Variants in PHF12 observed in about 807,000 individuals in gnomAD.
PHF12 encodes the protein PHD finger protein 12, also known as PHD factor 1.
A neutral mutation model predicts 99.8 loss-of-function variants in PHF12; 6 were observed. The observed-to-expected ratio is 0.06, with a 90% confidence interval of 0.03 to 0.12. The LOEUF is 0.12. Among genes scored for constraint, PHF12 ranks in the 10% least tolerant of loss-of-function variants. The probability of loss-of-function intolerance (pLI) is 1.00; values close to 1 mark genes in which losing one functional copy is unlikely to be tolerated. For missense variants in PHF12, 954 were observed against 1,300.1 expected (o/e 0.73, Z 4.09); for synonymous variants, 480 against 514.9 (o/e 0.93, Z 0.92).
At position 28,923,820 on chromosome 17, in the gene PHF12, G is replaced by A. The variant is rs537019582; in HGVS notation, c.715+89C>T. Reference sequence around the variant, plus strand: ...CAGGAACCCAAGACAGTAGCTACATGAACAGTGACTCCACAGGCAGCACTG... The same window carrying A: ...CAGGAACCCAAGACAGTAGCTACATAAACAGTGACTCCACAGGCAGCACTG... On this transcript the variant is annotated intron_variant, in intron 4 of 14. Coordinates refer to ENST00000332830, the MANE Select transcript of PHF12 (RefSeq NM_001033561.2). The A allele has an allele frequency of 1.4e-4, 202 of 1,440,532 alleles. 1 individual carries two copies. In the South Asian group the frequency reaches 2.6e-3, roughly 19 times the overall value. 89.2% of individuals were successfully genotyped at this position (1,440,532 alleles called of 1,614,324 possible). A position where few individuals can be genotyped will look rare whatever the true frequency, so the allele number is the denominator to read the frequency against.
rs1278716212 is a variant in PHF12, at chr17:28,913,185, C to T, written c.1386G>A (p.Glu462=). The part of the protein sequence containing the change: ...MPSHWDSEQT[E]KADIKPVIVT... Reference sequence around the variant, plus strand: ...CAATAACAGGCTTAATATCAGCCTTCTCTGTCTGTTCAGAGTCCCAATGCG... The same window carrying T: ...CAATAACAGGCTTAATATCAGCCTTTTCTGTCTGTTCAGAGTCCCAATGCG... The change falls in exon 9 of 15, where the codon GAG becomes GAA. Residue 462 remains glutamate, a synonymous_variant. Transcript: ENST00000332830. 6.2e-7 allele frequency: 1 copy of T among 1,614,180 alleles called. No homozygotes were observed. The highest frequency in any genetic ancestry group is 1.1e-5 in the South Asian group (1 of 91,090).
intron 10 of PHF12, 67 bp downstream of exon 10, chr17:28,911,045 G>A (rs2039950325): frequency 1.2e-6 from 2 of 1,600,660 alleles, no homozygotes; most frequent in Non-Finnish European, 1.7e-6. Flanking sequence ...GAAATGAGCT[G>A]AATGCTGTAT....
intron 7 of PHF12, among the ~76,000 whole-genome samples, chr17:28,915,865 C>T (rs1329529863): frequency 1.3e-5 from 2 of 152,150 alleles, no homozygotes; most frequent in African/African-American, 4.8e-5. Flanking sequence ...CTTTGAGTTT[C>T]CTCACTAGAG....
chr17:28,927,597 C>T (rs1053650421), intron 2 of PHF12, among the ~76,000 whole-genome samples: 3 of 152,212 alleles, frequency 2.0e-5, no homozygotes, highest in African/African-American at 4.8e-5. Context: ...TGCTCTGCCT[C>T]CCATCCACAG....
intron 13 of PHF12, 146 bp downstream of exon 13, chr17:28,907,444 T>C: frequency 1.3e-6 from 1 of 741,092 alleles, no homozygotes; most frequent in Non-Finnish European, 2.2e-6. Flanking sequence ...ATCAAGACTC[T>C]CCTCCTCCAG....
At chr17:28,936,784 T>C (rs1056739857) in intron 2 of PHF12, among the ~76,000 whole-genome samples, 6 of 152,210 alleles carry the variant, frequency 3.9e-5, no homozygotes, top group African/African-American at 1.4e-4. Flanking sequence ...AATTTCACAG[T>C]TCACGGGGCT....
intron 2 of PHF12, among the ~76,000 whole-genome samples, chr17:28,931,946 T>C (rs2040418500): frequency 6.6e-6 from 1 of 152,092 alleles, no homozygotes; most frequent in African/African-American, 2.4e-5. Context: ...AATGATGGTA[T>C]CTTGGGAGAA....
chr17:28,923,449 G>C (rs2040202340), intron 4 of PHF12, among the ~76,000 whole-genome samples: 2 of 151,546 alleles, frequency 1.3e-5, no homozygotes, highest in Non-Finnish European at 2.9e-5. Flanking sequence ...CCTGAGGTCA[G>C]GAGTTCAAGA....
At chr17:28,940,796 T>C (rs2040599036) in intron 2 of PHF12, among the ~76,000 whole-genome samples, 1 of 152,314 alleles carries the variant, frequency 6.6e-6, no homozygotes, top group African/African-American at 2.4e-5. Context: ...TGGTGACAAA[T>C]CTGCAATACC....
chr17:28,946,038 A>T (rs1203175150), intron 2 of PHF12, among the ~76,000 whole-genome samples: 1 of 152,226 alleles, frequency 6.6e-6, no homozygotes, highest in Non-Finnish European at 1.5e-5. Context: ...CAGAAGGCTG[A>T]GAAAGGAGAA....
In PHF12 at chr17:28,906,694, G is replaced by T. The variant is rs959370338; in HGVS notation, c.2680+162C>A. On this transcript the variant is annotated intron_variant, in intron 14 of 14. Coordinates refer to ENST00000332830, the MANE Select transcript of PHF12 (RefSeq NM_001033561.2). The surrounding 1 kb of genome is among the most constrained non-coding windows in gnomAD (Gnocchi z 4.2). ...TCCCCACAGGTGTGTACACACATGGGGGTACTCAGCACTTGCTTCTCTGTG... is the reference window on the plus strand; with the variant it reads ...TCCCCACAGGTGTGTACACACATGGTGGTACTCAGCACTTGCTTCTCTGTG... The T allele has an allele frequency of 8.0e-5, 98 of 1,230,694 alleles. 1 individual carries two copies. The highest frequency in any genetic ancestry group is 1.1e-4 in the Non-Finnish European group (96 of 892,730). 76.2% of individuals were successfully genotyped at this position (1,230,694 alleles called of 1,614,324 possible).
At position 28,950,392 on chromosome 17, in the gene PHF12, C is replaced by T. The variant is rs1244235760; in HGVS notation, c.67-146G>A. The stretch of plus-strand genomic sequence containing the variant: ...CCAGGCTGCTCCCAGAATCTCTCAG[C>T]CCCCGGAACCAGGGGGAGCCCACCC... On this transcript the variant is annotated intron_variant, in intron 1 of 14. Transcript: ENST00000332830. The surrounding 1 kb of genome is among the most constrained non-coding windows in gnomAD (Gnocchi z 5.7). 6.5e-6 allele frequency: 6 copies of T among 920,658 alleles called. No individual in the cohort carries two copies. Among genetic ancestry groups the T allele is most frequent in the South Asian group, 1.7e-5 (1 of 57,378 alleles). The allele number at this position is 920,658 out of a possible 1,614,324, so 57.0% of individuals were successfully genotyped here. A position where few individuals can be genotyped will look rare whatever the true frequency, so the allele number is the denominator to read the frequency against.
chr17:28,946,714 A>G (rs2152679749), intron 2 of PHF12, among the ~76,000 whole-genome samples: 1 of 152,278 alleles, frequency 6.6e-6, no homozygotes, highest in Non-Finnish European at 1.5e-5. Flanking sequence ...TTTTCTTTAA[A>G]TTTTGTAGAG....
chr17:28,928,009 G>A lies in PHF12; in HGVS notation c.249-946C>T, dbSNP rs139011658. Among the ~76,000 whole-genome samples, 412 of 152,346 alleles carry A rather than the reference G, an allele frequency of 2.7e-3. 2 individuals are homozygous for A. The highest frequency in any genetic ancestry group is 9.5e-3 in the African/African-American group (395 of 41,574). ...GCCTGTAATCCCAGCTATTTGGGAG[G>A]CTGAGGCAGAAGAATTGCTTGAATT... On this transcript the variant is annotated intron_variant, in intron 2 of 14. Coordinates refer to ENST00000332830, the MANE Select transcript of PHF12 (RefSeq NM_001033561.2).
In PHF12 at chr17:28,951,038, GC is replaced by G. The variant is rs969459521; in HGVS notation, c.-79del. The stretch of plus-strand genomic sequence containing the variant: ...GGGAGGGGGGAGGTGAGGGGAGGGG[GC>G]GCTCCTGACCCCGGCCCCGCTTTTT... On this transcript the variant is annotated 5_prime_UTR_variant, in exon 1 of 15. Coordinates refer to ENST00000332830, the MANE Select transcript of PHF12 (RefSeq NM_001033561.2). 6.8e-5 allele frequency: 109 copies of G among 1,603,984 alleles called. No individual in the cohort carries two copies. Among genetic ancestry groups the G allele is most frequent in the Non-Finnish European group, 8.8e-5 (103 of 1,174,976 alleles).
chr17:28,908,692 C>G, intron 12 of PHF12, 91 bp downstream of exon 12: 1 of 1,277,686 alleles, frequency 7.8e-7, no homozygotes, highest in Non-Finnish European at 1.1e-6. Flanking sequence ...GAAAGGGCTT[C>G]CCTCACCCCT....
Position 28,950,045 on chromosome 17 carries a change from A to T in PHF12, c.248+20T>A. On this transcript the variant is annotated intron_variant, in intron 2 of 14. Transcript: ENST00000332830. This position sits in a 1 kb window ranked among gnomAD's most constrained non-coding sequence, Gnocchi z 5.7. ...GAGAAGGGTCCGCCAAGAAGCTCCA[A>T]AAGGGTCCCCAGACCTTACCAGCAC... 1 of 1,573,880 alleles carries T rather than the reference A, an allele frequency of 6.4e-7. No individual in the cohort carries two copies. Among genetic ancestry groups the T allele is most frequent in the Non-Finnish European group, 8.6e-7 (1 of 1,156,684 alleles).
In PHF12 at chr17:28,913,945, G is replaced by A; in HGVS notation, c.1227C>T (p.Ile409=). The A allele has an allele frequency of 1.9e-6, 3 of 1,613,810 alleles. No individual in the cohort carries two copies. Among genetic ancestry groups the A allele is most frequent in the Admixed American group, 1.7e-5 (1 of 60,016 alleles). The part of the protein sequence containing the change: ...IRDGELICNG[I]PEESQMHLLN... ...AAAGGTGCATCTGTGATTCCTCAGG[G>A]ATCCCATTGCAGATCAGCTCCCCGT... Residue 409 remains isoleucine (I), a synonymous_variant, in exon 8 of 15, where the codon ATC becomes ATT. Coordinates refer to ENST00000332830, the MANE Select transcript of PHF12 (RefSeq NM_001033561.2).
chr17:28,940,469 T>C (rs542850593), intron 2 of PHF12, among the ~76,000 whole-genome samples: 1 of 152,352 alleles, frequency 6.6e-6, no homozygotes, highest in South Asian at 2.1e-4. Flanking sequence ...GCACATGTAA[T>C]TTACTTATTG....
Sources: allele counts gnomAD v4.1 joint callset (sites outside exome capture counted in the v4.1 genomes callset), GRCh38; gene constraint gnomAD v4.1.1; non-coding constraint Gnocchi (gnomAD v3.1); transcripts MANE v1.5; gene names NCBI Gene and HGNC (gene_info 2026-07-23, HGNC 2026-07-21).